CSMD1: variants seen among roughly 807,000 people sequenced by gnomAD.
CSMD1 encodes the protein CUB and Sushi multiple domains 1.
A neutral mutation model predicts 417.5 loss-of-function variants in CSMD1; 213 were observed. That is an observed-to-expected ratio of 0.51 (90% CI 0.46 to 0.57). The LOEUF (loss-of-function observed/expected upper bound fraction) is 0.57. Ranked by LOEUF, CSMD1 falls within the 20% of genes least tolerant of loss-of-function variation. The pLI is 0.00. For missense variants in CSMD1, 6,923 were observed against 4,529.7 expected, an observed-to-expected ratio of 1.53 and a Z score of -15.17; for synonymous variants, 2,862 against 1,736.8, an observed-to-expected ratio of 1.65 and a Z score of -16.11.
chr8:4,429,763 G>C (rs905733388), intron 2 of CSMD1, among the ~76,000 whole-genome samples: 1 of 152,098 alleles, frequency 6.6e-6, no homozygotes, highest in Non-Finnish European at 1.5e-5. Context: ...GATTCTAGAA[G>C]TGCTCCACCC....
intron 7 of CSMD1, among the ~76,000 whole-genome samples, chr8:3,674,042 G>A (rs750763916): frequency 6.6e-6 from 1 of 152,098 alleles, no homozygotes; most frequent in Non-Finnish European, 1.5e-5. Context: ...GGAGGCAGAG[G>A]TTGCAATGAG....
chr8:4,884,468 G>A (rs1457669719), intron 1 of CSMD1, among the ~76,000 whole-genome samples: 1 of 151,954 alleles, frequency 6.6e-6, no homozygotes, highest in African/African-American at 2.4e-5. Flanking sequence ...CATGCCTGTA[G>A]AGATTCATGC....
chr8:4,681,644 G>A (rs1411535457), intron 1 of CSMD1, among the ~76,000 whole-genome samples: 1 of 152,092 alleles, frequency 6.6e-6, no homozygotes, highest in Non-Finnish European at 1.5e-5. Context: ...CTTGGTTGCT[G>A]GCACGTCAAT....
intron 3 of CSMD1, among the ~76,000 whole-genome samples, chr8:4,304,311 A>G (rs145660525): frequency 5.3e-5 from 8 of 152,336 alleles, no homozygotes; most frequent in South Asian, 2.1e-4. Context: ...AATATATAGA[A>G]GATATTTATT....
chr8:3,857,524 T>A (rs146928367), intron 5 of CSMD1, among the ~76,000 whole-genome samples: 250 of 152,304 alleles, frequency 1.6e-3, no homozygotes, highest in African/African-American at 5.8e-3. Flanking sequence ...GATGATTTGC[T>A]TAATATTACT....
intron 3 of CSMD1, among the ~76,000 whole-genome samples, chr8:4,179,072 A>C (rs1798211411): frequency 6.6e-6 from 1 of 152,094 alleles, no homozygotes; most frequent in South Asian, 2.1e-4. Flanking sequence ...AATTAGAAAA[A>C]ACTACTTTAA....
At chr8:4,734,157 T>C (rs893733433) in intron 1 of CSMD1, among the ~76,000 whole-genome samples, 6 of 152,178 alleles carry the variant, frequency 3.9e-5, no homozygotes, top group African/African-American at 7.2e-5. Context: ...TATTGAAATA[T>C]AATAGAGCTT....
intron 5 of CSMD1, among the ~76,000 whole-genome samples, chr8:3,805,361 AAG>A (rs1179902486): frequency 6.6e-6 from 1 of 152,136 alleles, no homozygotes; most frequent in Non-Finnish European, 1.5e-5. Context: ...CAGAATTACA[AAG>A]AGAGGAGCCA....
At chr8:3,649,249 TA>T (rs1254287873) in intron 7 of CSMD1, among the ~76,000 whole-genome samples, 1 of 152,128 alleles carries the variant, frequency 6.6e-6, no homozygotes, top group Non-Finnish European at 1.5e-5. Flanking sequence ...TTCTGTAACA[TA>T]AAACCAACCT....
chr8:4,179,215 G>C (rs545626039), intron 3 of CSMD1, among the ~76,000 whole-genome samples: 110 of 152,136 alleles, frequency 7.2e-4, no homozygotes, highest in African/African-American at 2.4e-3. Context: ...GCATGGTACT[G>C]GTACCAAAAC....
rs373856258 is a variant in CSMD1, at chr8:3,846,614, TATTATC to T, written c.819-92578_819-92573del. Among the ~76,000 whole-genome samples the T allele has an allele frequency of 4.9e-3, 751 of 152,304 alleles. 4 individuals carry two copies. The highest frequency in any genetic ancestry group is 0.017 in the African/African-American group (711 of 41,550). On this transcript the variant is annotated intron_variant, in intron 5 of 69. Transcript: ENST00000635120. ...ATAAATATTCACAAACATTAGCAGTTATTATCATTAACTCACCTTATTTCTTTAGCC... is the reference window on the plus strand; with the variant it reads ...ATAAATATTCACAAACATTAGCAGTTATTAACTCACCTTATTTCTTTAGCC...
At chr8:4,789,708 T>A (rs555746602) in intron 1 of CSMD1, among the ~76,000 whole-genome samples, 1 of 152,326 alleles carries the variant, frequency 6.6e-6, no homozygotes, top group African/African-American at 2.4e-5. Context: ...TGATCCTGTA[T>A]AAGATAAAGG....
rs769347431 is a variant in CSMD1 at position 4,031,921 on chromosome 8, T to G, written c.594A>C (p.Pro198=). 2.5e-6 allele frequency: 4 copies of G among 1,613,482 alleles called. No individual in the cohort carries two copies. The African/African-American group carries it at 5.3e-5, about 22-fold the overall frequency. Reference sequence around the variant, plus strand: ...GCACTGTACCTCTGCAAAAGGGAGCTGGGAAGTCCCACGATGCACCATTTC... The same window carrying G: ...GCACTGTACCTCTGCAAAAGGGAGCGGGGAAGTCCCACGATGCACCATTTC... ...SPGNGASWDF[P]APFCRAEGAC... The change falls in exon 4 of 70, where the codon CCA becomes CCC. Residue 198 remains proline, a synonymous_variant. Transcript: ENST00000635120.
chr8:4,813,932 T>C (rs1463284579), intron 1 of CSMD1, among the ~76,000 whole-genome samples: 1 of 152,206 alleles, frequency 6.6e-6, no homozygotes, highest in Non-Finnish European at 1.5e-5. Flanking sequence ...ATGTTTGTAA[T>C]TATACATTTT....
chr8:3,253,024 C>A (rs555129981), intron 26 of CSMD1, among the ~76,000 whole-genome samples: 1 of 152,060 alleles, frequency 6.6e-6, no homozygotes, highest in Admixed American at 6.6e-5. Context: ...CTCCTGGATT[C>A]ATTGATTTTT....
chr8:3,111,194 A>C (rs1246989830), intron 42 of CSMD1, among the ~76,000 whole-genome samples: 2 of 152,224 alleles, frequency 1.3e-5, no homozygotes, highest in African/African-American at 4.8e-5. Context: ...TAGAGGAAAA[A>C]GGCCCAAATA....
In CSMD1 at chr8:4,007,740, G is replaced by C. The variant is rs188364223; in HGVS notation, c.611-9630C>G. ...CTCTGGCTTTCCTACAGTTATATCA[G>C]TTGCAAACAAGCCTCTATTCATTTG... On this transcript the variant is annotated intron_variant, in intron 4 of 69. Transcript: ENST00000635120. 1.3e-3 allele frequency among the ~76,000 whole-genome samples: 199 copies of C among 151,704 alleles called. No homozygotes were observed. In the Middle Eastern group the frequency reaches 0.017, roughly 13 times the overall value.
chr8:3,849,897 C>T (rs148862798), intron 5 of CSMD1, among the ~76,000 whole-genome samples: 20 of 152,318 alleles, frequency 1.3e-4, no homozygotes, highest in African/African-American at 4.8e-4. Flanking sequence ...CTTCCTGCAA[C>T]CTCCACCTCC....
intron 1 of CSMD1, among the ~76,000 whole-genome samples, chr8:4,779,519 G>C (rs1268880814): frequency 6.6e-6 from 1 of 152,060 alleles, no homozygotes; most frequent in Non-Finnish European, 1.5e-5. Flanking sequence ...AATGCAGTTA[G>C]AGAAAAGGAA....
Sources: allele counts gnomAD v4.1 joint callset (sites outside exome capture counted in the v4.1 genomes callset), GRCh38; gene constraint gnomAD v4.1.1; transcripts MANE v1.5; gene names NCBI Gene and HGNC (gene_info 2026-07-23, HGNC 2026-07-21).